ZEB2: variants seen among roughly 807,000 people sequenced by gnomAD.
The protein encoded by ZEB2 is zinc finger E-box-binding homeobox 2.
A neutral mutation model predicts 99.9 loss-of-function variants in ZEB2; 6 were observed. That is an observed-to-expected ratio of 0.06 (90% CI 0.03 to 0.12). The LOEUF is 0.12. ZEB2 is among the 10% of genes least tolerant of loss of function. The pLI is 1.00. For synonymous variants in ZEB2, 517 were observed against 542.5 expected, an observed-to-expected ratio of 0.95 and a Z score of 0.65; for missense variants, 969 against 1,502.8, an observed-to-expected ratio of 0.64 and a Z score of 5.87.
At chr2:144,508,509 T>C (rs1704982786) in intron 2 of ZEB2, among the ~76,000 whole-genome samples, 1 of 152,210 alleles carries the variant, frequency 6.6e-6, no homozygotes, top group Admixed American at 6.5e-5. Flanking sequence ...ACACCTACAC[T>C]CTTTTTCGAA....
chr2:144,491,513 AC>A (rs1704681877), intron 2 of ZEB2, among the ~76,000 whole-genome samples: 1 of 152,190 alleles, frequency 6.6e-6, no homozygotes, highest in Non-Finnish European at 1.5e-5. Flanking sequence ...TGCCGGGCAG[AC>A]TTTTTGTTGT....
chr2:144,421,804 T>G (rs887485400), intron 4 of ZEB2, among the ~76,000 whole-genome samples: 2 of 152,186 alleles, frequency 1.3e-5, no homozygotes, highest in South Asian at 4.1e-4. Flanking sequence ...TCTGAGTATA[T>G]TTGCATAACT....
intron 4 of ZEB2, among the ~76,000 whole-genome samples, chr2:144,406,824 GA>G (rs1331757018): frequency 1.3e-5 from 2 of 152,200 alleles, no homozygotes; most frequent in African/African-American, 4.8e-5. Context: ...TGGAGAAAGA[GA>G]AAAGTAGGTC....
intron 2 of ZEB2, chr2:144,513,827 G>A: frequency 1.3e-6 from 2 of 1,534,302 alleles, no homozygotes; most frequent in Non-Finnish European, 1.7e-6. Flanking sequence ...TATAATCAGG[G>A]GAAAGAAAAA....
chr2:144,437,751 G>A (rs1268622446), intron 2 of ZEB2, among the ~76,000 whole-genome samples: 1 of 152,074 alleles, frequency 6.6e-6, no homozygotes, highest in East Asian at 1.9e-4. Context: ...TATAAAGAAA[G>A]GGGAAATGTG....
intron 2 of ZEB2, among the ~76,000 whole-genome samples, chr2:144,440,364 T>C (rs562301204): frequency 3.8e-4 from 58 of 152,132 alleles, no homozygotes; most frequent in African/African-American, 1.4e-3. Context: ...TCTAAAGGTA[T>C]ACTCAAAGGC....
intron 2 of ZEB2, among the ~76,000 whole-genome samples, chr2:144,484,942 C>T (rs941699010): frequency 6.6e-6 from 1 of 152,132 alleles, no homozygotes; most frequent in African/African-American, 2.4e-5. Flanking sequence ...AACTCACCAC[C>T]CGGGCATACT....
chr2:144,472,928 G>A (rs1315440104), intron 2 of ZEB2, among the ~76,000 whole-genome samples: 1 of 152,144 alleles, frequency 6.6e-6, no homozygotes, highest in Non-Finnish European at 1.5e-5. Flanking sequence ...AGTCCAGAGA[G>A]CAGCTGGCAG....
At chr2:144,436,283 A>AACATT (rs1476847307) in intron 2 of ZEB2, among the ~76,000 whole-genome samples, 2 of 152,234 alleles carry the variant, frequency 1.3e-5, no homozygotes, top group Non-Finnish European at 2.9e-5. Context: ...AACATACTAT[A>AACATT]GTCAGCCTTT....
chr2:144,425,217 T>G (rs762172853), intron 3 of ZEB2, among the ~76,000 whole-genome samples: 11 of 152,242 alleles, frequency 7.2e-5, no homozygotes, highest in Non-Finnish European at 1.3e-4. Context: ...TGAAGAGGCA[T>G]GCTGGCTGCT....
intron 2 of ZEB2, among the ~76,000 whole-genome samples, chr2:144,508,491 G>A (rs912922081): frequency 2.0e-5 from 3 of 151,988 alleles, no homozygotes; most frequent in East Asian, 1.9e-4. Context: ...GTGGCTGCTC[G>A]AATGTTGACA....
chr2:144,468,479 A>C (rs944649081), intron 2 of ZEB2, among the ~76,000 whole-genome samples: 4 of 152,176 alleles, frequency 2.6e-5, no homozygotes, highest in Non-Finnish European at 5.9e-5. Flanking sequence ...TGGTCAAAAA[A>C]CTGAGGTCTC....
Position 144,490,919 on chromosome 2 carries a change from G to A in ZEB2, c.73+26359C>T, listed in dbSNP as rs531158979. ...TTTAGTATTCGGAATGTGTCTGCTC[G>A]TGCAGGCCTCTGCGATAAAGCCTCC... On this transcript the variant is annotated intron_variant, in intron 2 of 9. Transcript: ENST00000627532. Among the ~76,000 whole-genome samples, 25 of 152,308 alleles carry A rather than the reference G, an allele frequency of 1.6e-4. No homozygotes were observed. In the South Asian group the frequency reaches 4.3e-3, roughly 26 times the overall value.
At chr2:144,475,842 A>G (rs1202395582) in intron 2 of ZEB2, among the ~76,000 whole-genome samples, 2 of 152,184 alleles carry the variant, frequency 1.3e-5, no homozygotes, top group African/African-American at 2.4e-5. Flanking sequence ...GCAGGTTTTA[A>G]ATAGTCCAGG....
intron 3 of ZEB2, among the ~76,000 whole-genome samples, chr2:144,425,968 G>C (rs1703686229): frequency 6.6e-6 from 1 of 151,938 alleles, no homozygotes; most frequent in African/African-American, 2.4e-5. Context: ...GAAAGAACAG[G>C]TTCTAGAAAA....
intron 2 of ZEB2, among the ~76,000 whole-genome samples, chr2:144,473,198 G>C (rs1430059153): frequency 6.6e-6 from 1 of 152,162 alleles, no homozygotes; most frequent in Non-Finnish European, 1.5e-5. Flanking sequence ...ACTGGTTGTG[G>C]GGAGTGAGAA....
intron 2 of ZEB2, among the ~76,000 whole-genome samples, chr2:144,446,790 G>A (rs983100565): frequency 7.2e-5 from 11 of 152,108 alleles, no homozygotes; most frequent in East Asian, 1.9e-4. Context: ...TGAGGCAGGC[G>A]GATTACCTGA....
chr2:144,389,788 G>C lies in ZEB2; in HGVS notation c.3308C>G (p.Pro1103Arg), dbSNP rs1385679012. The C allele has an allele frequency of 1.2e-6, 2 of 1,610,164 alleles. No individual in the cohort carries two copies. The highest frequency in any genetic ancestry group is 2.7e-5 in the African/African-American group (2 of 74,764). Reference sequence around the variant, plus strand: ...AGCCCGGTTCATCAGCAGCTCGGTGGGTTCCAAGTGCCCTTTCTCGCGCGC... The same window carrying C: ...AGCCCGGTTCATCAGCAGCTCGGTGCGTTCCAAGTGCCCTTTCTCGCGCGC... ...REAREKGHLE[P>R]TELLMNRAYL... The change falls in exon 10 of 10, where the codon CCC (proline) becomes CGC (arginine). Residue 1103 changes from proline to arginine, a missense_variant. By Grantham distance (103) the Pro-to-Arg change is moderately radical. Coordinates refer to ENST00000627532, the MANE Select transcript of ZEB2 (RefSeq NM_014795.4). This position sits in a 1 kb window ranked among gnomAD's most constrained non-coding sequence, Gnocchi z 6.8.
At position 144,513,711 on chromosome 2, in the gene ZEB2, A is replaced by T. The variant is rs1019196362; in HGVS notation, c.73+3567T>A. On this transcript the variant is annotated intron_variant, in intron 2 of 9. Coordinates refer to ENST00000627532, the MANE Select transcript of ZEB2 (RefSeq NM_014795.4). The stretch of plus-strand genomic sequence containing the variant: ...TGCCCGAATCAGGGGCAAAAGCAAC[A>T]AACTTTGCAAGTTACAAACGGGCCG... The T allele has an allele frequency of 4.6e-6, 7 of 1,535,874 alleles. No individual in the cohort carries two copies. The African/African-American group carries it at 8.2e-5, about 18-fold the overall frequency.
Sources: allele counts gnomAD v4.1 joint callset (sites outside exome capture counted in the v4.1 genomes callset), GRCh38; gene constraint gnomAD v4.1.1; non-coding constraint Gnocchi (gnomAD v3.1); transcripts MANE v1.5; gene names NCBI Gene and HGNC (gene_info 2026-07-23, HGNC 2026-07-21).